The following NCOR1 variants were observed in gnomAD, a reference collection of about 807,000 sequenced individuals.
NCOR1 encodes nuclear receptor corepressor 1.
NCOR1 carries 63 observed loss-of-function variants against 288.1 expected under a neutral mutation model. The observed-to-expected ratio is 0.22, with a 90% CI of 0.18 to 0.27. NCOR1 has a LOEUF of 0.27. Ranked by LOEUF, NCOR1 falls within the 10% of genes least tolerant of loss-of-function variation. The pLI is 1.00. For synonymous variants in NCOR1, 1,007 were observed against 1,065.9 expected (o/e 0.94, Z 1.08); for missense variants, 2,397 against 3,019.2 (o/e 0.79, Z 4.83).
chr17:16,186,568 G>A lies in NCOR1; in HGVS notation c.228C>T (p.His76=). Residue 76 remains histidine, a synonymous_variant, in exon 3 of 46, where the codon CAC becomes CAT. Transcript: ENST00000268712. ...AACCTCATTACCTGTCAGAACCTGG[G>A]TGAAATTCTGAAAGCAAGGAAGGTC... is the stretch of plus-strand genomic sequence containing the variant. ...RRRPSLLSEF[H]PGSDRPQERR... The A allele has an allele frequency of 2.5e-6, 4 of 1,613,972 alleles. No homozygotes were observed. The highest frequency in any genetic ancestry group is 3.4e-6 in the Non-Finnish European group (4 of 1,179,932).
chr17:16,145,752 G>C (rs904289902), intron 10 of NCOR1, among the ~76,000 whole-genome samples: 1 of 152,050 alleles, frequency 6.6e-6, no homozygotes, highest in Non-Finnish European at 1.5e-5. Flanking sequence ...CCCCATCCGG[G>C]GGGTGGGGCG....
At chr17:16,159,818 C>A (rs984504964) in intron 5 of NCOR1, among the ~76,000 whole-genome samples, 3 of 151,832 alleles carry the variant, frequency 2.0e-5, no homozygotes, top group Non-Finnish European at 4.4e-5. Flanking sequence ...ATCCTAGGAA[C>A]CTTTCTGGGT....
intron 1 of NCOR1, among the ~76,000 whole-genome samples, chr17:16,195,374 G>A (rs1017427961): frequency 2.6e-5 from 4 of 152,118 alleles, no homozygotes; most frequent in Non-Finnish European, 5.9e-5. Flanking sequence ...GGGAGGCTGA[G>A]GCAGGAGAAT....
At chr17:16,082,331 A>G (rs1226920535) in intron 23 of NCOR1, among the ~76,000 whole-genome samples, 3 of 152,204 alleles carry the variant, frequency 2.0e-5, no homozygotes, top group Non-Finnish European at 4.4e-5. Context: ...AGAGCAGGGA[A>G]CAGAAAATAT....
At chr17:16,065,770 G>A (rs1294689417) in intron 32 of NCOR1, 76 bp from the exon 33 acceptor site, 1 of 1,325,486 alleles carries the variant, frequency 7.5e-7, no homozygotes. Context: ...ACGTACAAAA[G>A]AGTAGAGAAA....
Position 16,173,696 on chromosome 17 carries a change from G to A in NCOR1, c.243-1701C>T, listed in dbSNP as rs569960787. Among the ~76,000 whole-genome samples, 14 of 152,254 alleles carry A rather than the reference G, an allele frequency of 9.2e-5. No individual in the cohort carries two copies. In the South Asian group the frequency reaches 1.5e-3, roughly 16 times the overall value. On this transcript the variant is annotated intron_variant, in intron 3 of 45. Transcript: ENST00000268712. ...TGTCATCCCAGCAGTTTGGGAGGCCGGGGCGTGTGGATCATCTGAGGTCAG... is the reference window on the plus strand; with the variant it reads ...TGTCATCCCAGCAGTTTGGGAGGCCAGGGCGTGTGGATCATCTGAGGTCAG...
chr17:16,154,543 A>G (rs2153398527), intron 6 of NCOR1, among the ~76,000 whole-genome samples: 1 of 152,200 alleles, frequency 6.6e-6, no homozygotes, highest in East Asian at 1.9e-4. Flanking sequence ...ACACGGGGCC[A>G]CCTGACAGCA....
chr17:16,197,198 G>A (rs915174893), intron 1 of NCOR1, among the ~76,000 whole-genome samples: 2 of 151,696 alleles, frequency 1.3e-5, no homozygotes, highest in African/African-American at 4.8e-5. Context: ...GCGCGTGCCT[G>A]TAAACCCAGC....
At chr17:16,080,817 G>GT (rs2063281654) in intron 23 of NCOR1, 90 bp from the exon 24 acceptor site, 3 of 1,145,724 alleles carry the variant, frequency 2.6e-6, no homozygotes, top group African/African-American at 3.2e-5. Flanking sequence ...TCCCATTTCT[G>GT]TTTAAAAAAA....
chr17:16,076,236 T>C (rs2062434782), intron 26 of NCOR1, among the ~76,000 whole-genome samples: 1 of 152,244 alleles, frequency 6.6e-6, no homozygotes, highest in Non-Finnish European at 1.5e-5. Flanking sequence ...TTTTAGACGA[T>C]GAAAATTATG....
chr17:16,190,020 A>C (rs1443881192), intron 2 of NCOR1, among the ~76,000 whole-genome samples: 1 of 152,168 alleles, frequency 6.6e-6, no homozygotes, highest in Non-Finnish European at 1.5e-5. Flanking sequence ...GCTTGAGGCC[A>C]GGGTTTTGAT....
intron 29 of NCOR1, 72 bp from the exon 30 acceptor site, chr17:16,071,737 T>A: frequency 7.4e-7 from 1 of 1,359,506 alleles, no homozygotes; most frequent in Non-Finnish European, 1.0e-6. Context: ...ACTGTGCACT[T>A]AAAAATGGTT....
intron 1 of NCOR1, among the ~76,000 whole-genome samples, chr17:16,197,984 C>T (rs2090143368): frequency 1.3e-5 from 2 of 152,160 alleles, no homozygotes; most frequent in South Asian, 4.2e-4. Flanking sequence ...CCTACACATA[C>T]ATACACTCAC....
chr17:16,076,654 C>G (rs2062499266), intron 26 of NCOR1, among the ~76,000 whole-genome samples: 1 of 152,156 alleles, frequency 6.6e-6, no homozygotes, highest in Non-Finnish European at 1.5e-5. Flanking sequence ...TTATTCTAGG[C>G]AACAACAAAC....
chr17:16,087,110 AC>A lies in NCOR1; in HGVS notation c.3017-669del, dbSNP rs1438872528. On this transcript the variant is annotated intron_variant, in intron 22 of 45. Coordinates refer to ENST00000268712, the MANE Select transcript of NCOR1 (RefSeq NM_006311.4). ...AGCAGTTCATTCACGAGATTAAACC[AC>A]CCACGTGGAACATCTGTGGGTGGAT... The A allele has an allele frequency of 4.1e-6, 5 of 1,220,214 alleles. No homozygotes were observed. In the African/African-American group the frequency reaches 6.2e-5, roughly 15 times the overall value. 75.6% of individuals were successfully genotyped at this position (1,220,214 alleles called of 1,614,324 possible). A position where few individuals can be genotyped will look rare whatever the true frequency, so the allele number is the denominator to read the frequency against.
intron 1 of NCOR1, among the ~76,000 whole-genome samples, chr17:16,202,681 T>C (rs1043303406): frequency 6.6e-6 from 1 of 152,198 alleles, no homozygotes; most frequent in Non-Finnish European, 1.5e-5. Context: ...TCTAAGGCTG[T>C]AGGAAAGCTA....
chr17:16,052,479 T>C (rs1293570079), intron 40 of NCOR1, among the ~76,000 whole-genome samples: 2 of 152,340 alleles, frequency 1.3e-5, no homozygotes, highest in African/African-American at 4.8e-5. Flanking sequence ...AACACCTTTA[T>C]GCATATAACC....
intron 42 of NCOR1, chr17:16,044,872 C>T (rs983332010): frequency 3.9e-6 from 3 of 775,280 alleles, no homozygotes; most frequent in African/African-American, 3.4e-5. Flanking sequence ...CACTCCACTG[C>T]TGCTGCTCCA....
chr17:16,030,883 G>T lies in NCOR1; in HGVS notation c.*1413C>A. The T allele has an allele frequency of 5.2e-6, 1 of 191,398 alleles. No individual in the cohort carries two copies. Among genetic ancestry groups the T allele is most frequent in the Admixed American group, 6.1e-5 (1 of 16,288 alleles). The allele number at this position is 191,398 out of a possible 1,614,324, so 11.9% of individuals were successfully genotyped here. On this transcript the variant is annotated 3_prime_UTR_variant, in exon 46 of 46. Transcript: ENST00000268712. The stretch of plus-strand genomic sequence containing the variant: ...AAGCCTTGAGTACTTTTGTTTAAAA[G>T]TTTAGGTCTACTTGAAAGTCTGTAA...
Sources: allele counts gnomAD v4.1 joint callset (sites outside exome capture counted in the v4.1 genomes callset), GRCh38; gene constraint gnomAD v4.1.1; transcripts MANE v1.5; gene names NCBI Gene and HGNC (gene_info 2026-07-23, HGNC 2026-07-21).